The following MEOX1 variants were observed in gnomAD, a reference collection of about 807,000 sequenced individuals.
MEOX1 encodes the protein mesenchyme homeobox 1, also known as homeobox protein MOX-1.
MEOX1 carries 17 observed loss-of-function variants against 23.2 expected under a neutral mutation model. The observed-to-expected ratio is 0.73, with a 90% CI of 0.50 to 1.10. The LOEUF (loss-of-function observed/expected upper bound fraction) is 1.10. Among genes scored for constraint, MEOX1 ranks in the 50% least tolerant of loss-of-function variants. The probability of loss-of-function intolerance (pLI) is 0.00; values close to 1 mark genes in which losing one functional copy is unlikely to be tolerated. For synonymous variants in MEOX1, 134 were observed against 135.1 expected (o/e 0.99, Z 0.06); for missense variants, 333 against 332.2 (o/e 1.00, Z -0.02).
chr17:43,660,290 C>T (rs1973112434), intron 1 of MEOX1, among the ~76,000 whole-genome samples: 1 of 152,212 alleles, frequency 6.6e-6, no homozygotes, highest in Non-Finnish European at 1.5e-5. Context: ...ATCTCATCCT[C>T]CAGCCTCTGG....
intron 1 of MEOX1, among the ~76,000 whole-genome samples, chr17:43,658,375 C>T (rs181361800): frequency 6.6e-6 from 1 of 152,144 alleles, no homozygotes; most frequent in Admixed American, 6.5e-5. Flanking sequence ...GGAGAGGGGG[C>T]GTGCGCCTAT....
At position 43,641,693 on chromosome 17, in the gene MEOX1, G is replaced by T; in HGVS notation, c.*217C>A. 1 of 502,036 alleles carries T rather than the reference G, an allele frequency of 2.0e-6. No individual in the cohort carries two copies. The allele number at this position is 502,036 out of a possible 1,614,324, so 31.1% of individuals were successfully genotyped here. On this transcript the variant is annotated 3_prime_UTR_variant, in exon 3 of 3. Transcript: ENST00000318579. Reference sequence around the variant, plus strand: ...TGTCTGATTCCATGAGAGTGTGGGAGCAAAGGCCCTAGGGAAGAGGCTGCT... The same window carrying T: ...TGTCTGATTCCATGAGAGTGTGGGATCAAAGGCCCTAGGGAAGAGGCTGCT...
chr17:43,645,627 G>A (rs761499263), intron 1 of MEOX1, among the ~76,000 whole-genome samples: 58 of 152,262 alleles, frequency 3.8e-4, no homozygotes, highest in Non-Finnish European at 6.2e-4. Context: ...TTCAGAGGCC[G>A]GGTCTAAGCT....
rs1360860433 is a variant in MEOX1 at position 43,643,494 on chromosome 17, C to T, written c.636G>A (p.Glu212=). 6.3e-7 allele frequency: 1 copy of T among 1,586,034 alleles called. No homozygotes were observed. The highest frequency in any genetic ancestry group is 8.6e-7 in the Non-Finnish European group (1 of 1,165,720). The change falls in exon 2 of 3, where the codon GAG becomes GAA. Residue 212 remains glutamate (E), a synonymous_variant. Transcript: ENST00000318579. The part of the protein sequence containing the change: ...YEIAVNLDLS[E]RQVKVWFQNR... ...GGGCCCACCGGGGGCGCACCTGGCG[C>T]TCAGAGAGGTCCAGGTTTACCGCAA...
intron 1 of MEOX1, among the ~76,000 whole-genome samples, chr17:43,648,564 T>G (rs367595451): frequency 1.1e-3 from 171 of 152,214 alleles, no homozygotes; most frequent in African/African-American, 3.7e-3. Context: ...AGGCTTCCTC[T>G]CCTCTGTGGG....
Position 43,641,657 on chromosome 17 carries a change from G to C in MEOX1, c.*253C>G. On this transcript the variant is annotated 3_prime_UTR_variant, in exon 3 of 3. Coordinates refer to ENST00000318579, the MANE Select transcript of MEOX1 (RefSeq NM_004527.4). ...AGCTGTTTCCAGATTCATCCGGCCC[G>C]GTAGGATCTCTGTCTGATTCCATGA... The C allele has an allele frequency of 2.5e-6, 1 of 400,730 alleles. No homozygotes were observed. Among genetic ancestry groups the C allele is most frequent in the Non-Finnish European group, 4.5e-6 (1 of 223,560 alleles). 24.8% of individuals were successfully genotyped at this position (400,730 alleles called of 1,614,324 possible).
chr17:43,661,192 C>T lies in MEOX1; in HGVS notation c.343G>A (p.Glu115Lys). The change falls in exon 1 of 3, where the codon GAA becomes AAA. Residue 115 changes from glutamate to lysine, a missense_variant. By Grantham distance (56) the Glu-to-Lys change is moderately conservative (BLOSUM62 1). Coordinates refer to ENST00000318579, the MANE Select transcript of MEOX1 (RefSeq NM_004527.4). ...AGGCCCAGGCTGCTGGTCCCCATTT[C>T]CTTGGAACCCCCTGCCGGGCCTGAG... Reference protein sequence around the residue: ...PNSGPAGGSKEMGTSSLGLVD... With the variant: ...PNSGPAGGSKKMGTSSLGLVD... The T allele has an allele frequency of 6.2e-7, 1 of 1,607,030 alleles. No homozygotes were observed. The highest frequency in any genetic ancestry group is 8.5e-7 in the Non-Finnish European group (1 of 1,176,274).
intron 1 of MEOX1, among the ~76,000 whole-genome samples, chr17:43,654,815 G>A (rs1204038297): frequency 5.3e-5 from 8 of 152,300 alleles, no homozygotes; most frequent in African/African-American, 1.9e-4. Flanking sequence ...TGCTTTGGGA[G>A]GCTGAGGCCA....
chr17:43,651,710 G>T (rs1292385478), intron 1 of MEOX1, among the ~76,000 whole-genome samples: 2 of 152,182 alleles, frequency 1.3e-5, no homozygotes, highest in Admixed American at 1.3e-4. Flanking sequence ...CAGGCAGAAA[G>T]GATTCTCTGC....
rs775612025 is a variant in MEOX1 at position 43,661,470 on chromosome 17, A to G, written c.65T>C (p.Leu22Pro). The stretch of plus-strand genomic sequence containing the variant: ...ATTGCCTTCCGAGTGGGGGTTTCGA[A>G]GGCAGCCCCAGACAGGGGCTGGGGG... ...LQPPAPVWGC[L>P]RNPHSEGNGA... The change falls in exon 1 of 3, where the codon CTT (leucine) becomes CCT (proline). Residue 22 changes from leucine to proline, a missense_variant. Physicochemically the swap from Leu to Pro is moderately conservative, Grantham distance 98 (BLOSUM62 -3). Transcript: ENST00000318579. 6.2e-7 allele frequency: 1 copy of G among 1,609,076 alleles called. No individual in the cohort carries two copies. Among genetic ancestry groups the G allele is most frequent in the Non-Finnish European group, 8.5e-7 (1 of 1,178,766 alleles).
intron 2 of MEOX1, among the ~76,000 whole-genome samples, chr17:43,642,495 A>G (rs971530423): frequency 1.3e-5 from 2 of 152,120 alleles, no homozygotes; most frequent in Non-Finnish European, 2.9e-5. Flanking sequence ...ACAGATGGAG[A>G]CCCAGAGGTC....
chr17:43,661,598 A>AT lies in MEOX1; in HGVS notation c.-65dup. 1.0e-6 allele frequency: 1 copy of AT among 980,128 alleles called. No individual in the cohort carries two copies. The allele number at this position is 980,128 out of a possible 1,614,324, so 60.7% of individuals were successfully genotyped here. On this transcript the variant is annotated 5_prime_UTR_variant, in exon 1 of 3. Transcript: ENST00000318579. ...GATTCTTTATACTTTTTATGTTCAAATTTTTAAAAATGCAAAAGAAAAAAA... is the reference window on the plus strand; with the variant it reads ...GATTCTTTATACTTTTTATGTTCAAATTTTTTAAAAATGCAAAAGAAAAAAA...
chr17:43,643,169 C>T (rs1287982208), intron 2 of MEOX1, among the ~76,000 whole-genome samples: 5 of 152,114 alleles, frequency 3.3e-5, no homozygotes, highest in Non-Finnish European at 7.4e-5. Context: ...AAAAATTAGC[C>T]GGGCGTGGTG....
Position 43,661,686 on chromosome 17 carries a change from ACCC to A in MEOX1, c.-155_-153del. ...CCCCAGGAACCAAAAAAAAAAAAAA[ACCC>A]AAAACTAAAGTCTCTCCTTAAAGTA... On this transcript the variant is annotated 5_prime_UTR_variant, in exon 1 of 3. Transcript: ENST00000318579. 5 of 536,460 alleles carry A rather than the reference ACCC, an allele frequency of 9.3e-6. No individual in the cohort carries two copies. The highest frequency in any genetic ancestry group is 1.6e-5 in the Non-Finnish European group (5 of 315,044). The allele number at this position is 536,460 out of a possible 1,614,324, so 33.2% of individuals were successfully genotyped here. A position where few individuals can be genotyped will look rare whatever the true frequency, so the allele number is the denominator to read the frequency against.
intron 1 of MEOX1, among the ~76,000 whole-genome samples, chr17:43,657,025 T>TCTTTCTTTCTTTCTTC: frequency 7.8e-6 from 1 of 127,408 alleles, no homozygotes; most frequent in South Asian, 2.8e-4. Flanking sequence ...TTTCTTTCTT[T>TCTTTCTTTCTTTCTTC]CTTTCTTTCT....
intron 1 of MEOX1, among the ~76,000 whole-genome samples, chr17:43,653,744 A>C (rs1972961844): frequency 6.9e-6 from 1 of 144,034 alleles, no homozygotes; most frequent in South Asian, 2.2e-4. Flanking sequence ...TCTTGAGCTC[A>C]TGATCCGCCC....
intron 1 of MEOX1, among the ~76,000 whole-genome samples, chr17:43,657,042 C>CTTTCTTTCTTTCTTTCTTTCTT (rs1555567845): frequency 8.0e-5 from 11 of 136,662 alleles, no homozygotes; most frequent in Non-Finnish European, 1.7e-4. Flanking sequence ...TTCTTTCTTT[C>CTTTCTTTCTTTCTTTCTTTCTT]TTTCTTTCTT....
intron 1 of MEOX1, among the ~76,000 whole-genome samples, chr17:43,645,176 T>A (rs1219915745): frequency 2.0e-3 from 280 of 139,164 alleles, no homozygotes; most frequent in African/African-American, 7.3e-3. Context: ...ATTATCTTTT[T>A]TTTTTTTTTT....
intron 1 of MEOX1, among the ~76,000 whole-genome samples, chr17:43,649,415 T>C (rs1222786735): frequency 1.3e-5 from 2 of 150,580 alleles, no homozygotes; most frequent in East Asian, 4.0e-4. Flanking sequence ...CAAGCGATTC[T>C]CCTGCCTCAG....
Sources: gnomAD v4.1 joint callset for allele counts (sites outside exome capture counted in the v4.1 genomes callset) on GRCh38, gnomAD v4.1.1 for gene constraint, MANE v1.5 for transcripts, NCBI Gene and HGNC (gene_info 2026-07-23, HGNC 2026-07-21) for gene names.